The following KIF6 variants were observed in gnomAD, a reference collection of about 807,000 sequenced individuals.
KIF6 encodes the protein kinesin-like protein KIF6.
In KIF6, 106 loss-of-function variants were observed where a neutral mutation model predicts 112.7. That is an observed-to-expected ratio of 0.94 (90% CI 0.80 to 1.11). KIF6 has a LOEUF of 1.11. Among genes scored for constraint, KIF6 ranks in the 50% least tolerant of loss-of-function variants. The pLI, the probability that KIF6 is intolerant of heterozygous loss-of-function variation, is 0.00. For synonymous variants in KIF6, 339 were observed against 339.9 expected (o/e 1.00, Z 0.03); for missense variants, 929 against 964.0 (o/e 0.96, Z 0.48).
Position 39,584,982 on chromosome 6 carries a change from C to T in KIF6, c.993G>A (p.Glu331=), listed in dbSNP as rs139687906. The T allele has an allele frequency of 9.8e-5, 156 of 1,584,590 alleles. No homozygotes were observed. The African/African-American group carries it at 1.9e-3, about 19-fold the overall frequency. The change falls in exon 9 of 23, where the codon GAG becomes GAA. Residue 331 remains glutamate, a splice_region_variant and synonymous_variant. Transcript: ENST00000287152. ...TLSLEKRNLD[E]SISTCRFAQR... is the part of the protein sequence containing the mutation. ...GTGCAAATCTGCAGGTTGATATAGACTCCTAAGAAAGCAAAGTAACTTCTT... is the reference window on the plus strand; with the variant it reads ...GTGCAAATCTGCAGGTTGATATAGATTCCTAAGAAAGCAAAGTAACTTCTT...
intron 3 of KIF6, among the ~76,000 whole-genome samples, chr6:39,654,755 C>G (rs1211558976): frequency 6.6e-6 from 1 of 152,276 alleles, no homozygotes. Context: ...TGTCTTTTTA[C>G]CTTTTTAAAT....
intron 3 of KIF6, among the ~76,000 whole-genome samples, chr6:39,711,004 G>T (rs947351701): frequency 2.6e-5 from 4 of 151,122 alleles, no homozygotes; most frequent in African/African-American, 7.3e-5. Context: ...TCCAGCCTGG[G>T]CAAAAGAGTG....
At chr6:39,369,083 A>T (rs4711595) in intron 16 of KIF6, among the ~76,000 whole-genome samples, 103,055 of 152,058 alleles carry the variant, frequency 0.68, 35,088 homozygotes, top group African/African-American at 0.69. Context: ...GTTTGAGAAG[A>T]CAAAGTGTCT....
chr6:39,383,344 T>C (rs922431176), intron 16 of KIF6, among the ~76,000 whole-genome samples: 2 of 152,200 alleles, frequency 1.3e-5, no homozygotes, highest in Non-Finnish European at 2.9e-5. Context: ...TTTTTGTGTA[T>C]GGTTAGAGGT....
In KIF6 at chr6:39,634,916, T is replaced by C; in HGVS notation, c.442A>G (p.Ile148Val). 1 of 1,612,364 alleles carries C rather than the reference T, an allele frequency of 6.2e-7. No homozygotes were observed. Among genetic ancestry groups the C allele is most frequent in the Non-Finnish European group, 8.5e-7 (1 of 1,178,690 alleles). ...AGATCATAACCACATTCATTGTAGA[T>C]TTCCAAATAGGAAATGTGTGTTGTA... ...IYTTHISYLEIYNECGYDLLD... is the reference protein window; with the variant it reads ...IYTTHISYLEVYNECGYDLLD... Residue 148 changes from isoleucine (I) to valine (V), a missense_variant, in exon 5 of 23, where the codon ATC becomes GTC. Physicochemically the swap from Ile to Val is conservative, Grantham distance 29. This residue lies in a region of KIF6 where 688 missense variants were observed against 662.7 expected (regional missense o/e 1.04). Coordinates refer to ENST00000287152, the MANE Select transcript of KIF6 (RefSeq NM_145027.6).
At chr6:39,401,709 G>A (rs1455885383) in intron 15 of KIF6, among the ~76,000 whole-genome samples, 1 of 152,036 alleles carries the variant, frequency 6.6e-6, no homozygotes, top group Non-Finnish European at 1.5e-5. Context: ...AGTGGGTAGT[G>A]CTAGCAGGTG....
intron 13 of KIF6, among the ~76,000 whole-genome samples, chr6:39,485,793 G>C (rs1302757497): frequency 6.6e-6 from 1 of 152,214 alleles, no homozygotes; most frequent in African/African-American, 2.4e-5. Context: ...ACACAGGAAG[G>C]AAGGGTAAAA....
At chr6:39,569,273 T>C (rs1780514788) in intron 10 of KIF6, among the ~76,000 whole-genome samples, 1 of 152,232 alleles carries the variant, frequency 6.6e-6, no homozygotes, top group African/African-American at 2.4e-5. Context: ...GGTATCTAAT[T>C]TTCACTAGGA....
At chr6:39,615,808 A>T (rs1460103192) in intron 5 of KIF6, among the ~76,000 whole-genome samples, 1 of 152,126 alleles carries the variant, frequency 6.6e-6, no homozygotes, top group East Asian at 1.9e-4. Context: ...ACTAATAGGC[A>T]AGGTCACTGA....
chr6:39,595,597 G>A (rs541232135), intron 7 of KIF6, among the ~76,000 whole-genome samples: 2 of 152,312 alleles, frequency 1.3e-5, no homozygotes, highest in African/African-American at 4.8e-5. Flanking sequence ...ATGTGACGCA[G>A]ACATACAATT....
At chr6:39,647,443 T>C (rs1189241474) in intron 3 of KIF6, among the ~76,000 whole-genome samples, 4 of 152,182 alleles carry the variant, frequency 2.6e-5, no homozygotes, top group African/African-American at 9.6e-5. Context: ...GATCCCATCT[T>C]GGTTCCTCCA....
At chr6:39,446,056 T>A (rs1772290705) in intron 13 of KIF6, among the ~76,000 whole-genome samples, 2 of 152,196 alleles carry the variant, frequency 1.3e-5, no homozygotes. Context: ...AACAGCAGGC[T>A]GCTCTGTGAT....
intron 16 of KIF6, among the ~76,000 whole-genome samples, chr6:39,380,480 G>C (rs1766833042): frequency 6.6e-6 from 1 of 152,202 alleles, no homozygotes; most frequent in Non-Finnish European, 1.5e-5. Context: ...CCATAGTCTT[G>C]ACTTTCAGCC....
At chr6:39,720,589 C>T (rs530231382) in intron 2 of KIF6, 113 bp downstream of exon 2, 54 of 639,400 alleles carry the variant, frequency 8.4e-5, no homozygotes, top group African/African-American at 8.3e-4. Flanking sequence ...TGAAGAGCTG[C>T]GTTGCATTTT....
chr6:39,710,224 G>C (rs144005990), intron 3 of KIF6, among the ~76,000 whole-genome samples: 56 of 152,250 alleles, frequency 3.7e-4, no homozygotes, highest in African/African-American at 1.3e-3. Flanking sequence ...TAGCACCCTG[G>C]AGGAAAGAGG....
rs533775351 is a variant in KIF6, at chr6:39,697,508, T to C, written c.251+17184A>G. Among the ~76,000 whole-genome samples the C allele has an allele frequency of 7.3e-5, 11 of 151,496 alleles. 1 individual carries two copies. In the South Asian group the frequency reaches 2.3e-3, roughly 32 times the overall value. ...TTGTCATTGAAAAAGATCTCAAGACTAATATTAGACTAACCATTTTTCTTT... is the reference window on the plus strand; with the variant it reads ...TTGTCATTGAAAAAGATCTCAAGACCAATATTAGACTAACCATTTTTCTTT... On this transcript the variant is annotated intron_variant, in intron 3 of 22. Transcript: ENST00000287152.
chr6:39,709,329 C>T lies in KIF6; in HGVS notation c.251+5363G>A, dbSNP rs564630522. Among the ~76,000 whole-genome samples, 10 of 152,260 alleles carry T rather than the reference C, an allele frequency of 6.6e-5. 1 individual carries two copies. The South Asian group carries it at 8.3e-4, about 13-fold the overall frequency. On this transcript the variant is annotated intron_variant, in intron 3 of 22. Coordinates refer to ENST00000287152, the MANE Select transcript of KIF6 (RefSeq NM_145027.6). Reference sequence around the variant, plus strand: ...GGATGGTTTTGGGATGAAACTGTTCCGCCCCAGATCATCAGGCATTAGTTA... The same window carrying T: ...GGATGGTTTTGGGATGAAACTGTTCTGCCCCAGATCATCAGGCATTAGTTA...
chr6:39,419,773 G>A (rs1770214711), intron 15 of KIF6, among the ~76,000 whole-genome samples, 175 bp downstream of exon 15: 1 of 152,148 alleles, frequency 6.6e-6, no homozygotes, highest in South Asian at 2.1e-4. Flanking sequence ...TTTCCTGCTG[G>A]GTGGTGGGAG....
intron 5 of KIF6, among the ~76,000 whole-genome samples, chr6:39,620,070 A>C (rs2150733229): frequency 6.6e-6 from 1 of 152,272 alleles, no homozygotes. Flanking sequence ...CTTTTCCAAA[A>C]GTGAATATTT....
Sources: allele counts gnomAD v4.1 joint callset (sites outside exome capture counted in the v4.1 genomes callset), GRCh38; gene constraint gnomAD v4.1.1; regional missense constraint gnomAD v4.1.1; transcripts MANE v1.5; gene names NCBI Gene and HGNC (gene_info 2026-07-23, HGNC 2026-07-21).